The following YARS1 variants were observed in gnomAD, a reference collection of about 807,000 sequenced individuals.
YARS1 encodes the protein tyrosine--tRNA ligase, cytoplasmic.
A neutral mutation model predicts 62.2 loss-of-function variants in YARS1; 36 were observed. That is an observed-to-expected ratio of 0.58 (90% CI 0.44 to 0.76). The LOEUF (loss-of-function observed/expected upper bound fraction) is 0.76. YARS1 is among the 30% of genes least tolerant of loss of function. The probability of loss-of-function intolerance (pLI) is 0.00; values close to 1 mark genes in which losing one functional copy is unlikely to be tolerated. For missense variants in YARS1, 524 were observed against 639.8 expected (o/e 0.82, Z 1.95); for synonymous variants, 234 against 244.9 (o/e 0.96, Z 0.42).
chr1:32,782,205 G>A (rs1653082799), intron 9 of YARS1, 199 bp downstream of exon 9: 2 of 766,538 alleles, frequency 2.6e-6, no homozygotes, highest in Admixed American at 5.1e-5. Context: ...CGGTACAAAA[G>A]GATGTGATCA....
chr1:32,812,310 G>A (rs193244577), intron 1 of YARS1, among the ~76,000 whole-genome samples: 1 of 152,276 alleles, frequency 6.6e-6, no homozygotes, highest in East Asian at 1.9e-4. Context: ...ACCCCACCTG[G>A]TGATCCTCTG....
intron 4 of YARS1, among the ~76,000 whole-genome samples, chr1:32,802,666 A>C (rs1431053513): frequency 6.6e-6 from 1 of 152,194 alleles, no homozygotes; most frequent in African/African-American, 2.4e-5. Context: ...TGCACTGTCA[A>C]TGAGCAGTAA....
intron 1 of YARS1, among the ~76,000 whole-genome samples, chr1:32,816,108 C>CAAAA (rs71571726): frequency 1.7e-4 from 9 of 54,068 alleles, no homozygotes; most frequent in African/African-American, 2.1e-4. Flanking sequence ...GACTCCGCCT[C>CAAAA]AAAAAAAAAA....
At chr1:32,816,743 A>G (rs1638748606) in intron 1 of YARS1, 1 of 175,458 alleles carries the variant, frequency 5.7e-6, no homozygotes, top group African/African-American at 2.4e-5. Context: ...TTTGGAGGTC[A>G]CTTCCTCAGG....
chr1:32,780,191 C>G lies in YARS1; in HGVS notation c.1228G>C (p.Val410Leu), dbSNP rs146393022. The G allele has an allele frequency of 6.2e-7, 1 of 1,614,154 alleles. No individual in the cohort carries two copies. The highest frequency in any genetic ancestry group is 1.1e-5 in the South Asian group (1 of 91,084). ...CTGTCCTGCAGTTCCTCCTTGGGCA[C>G]GAACTGTACCAGGCCGCTCACCACA... Reference protein sequence around the residue: ...RTVVSGLVQFVPKEELQDRLV... With the variant: ...RTVVSGLVQFLPKEELQDRLV... Residue 410 changes from valine to leucine, a missense_variant, in exon 11 of 13, where the codon GTG becomes CTG. Coordinates refer to ENST00000373477, the MANE Select transcript of YARS1 (RefSeq NM_003680.4).
rs769842802 is a variant in YARS1 at position 32,786,420 on chromosome 1, C to T, written c.848G>A (p.Trp283Ter). 6.2e-7 allele frequency: 1 copy of T among 1,614,024 alleles called. No individual in the cohort carries two copies. Among genetic ancestry groups the T allele is most frequent in the South Asian group, 1.1e-5 (1 of 91,044 alleles). Residue 283 changes from tryptophan (W) to a stop codon, truncating the protein, a stop_gained, in exon 8 of 13, where the codon TGG becomes TAG. Coordinates refer to ENST00000373477, the MANE Select transcript of YARS1 (RefSeq NM_003680.4). LOFTEE classifies it high-confidence loss of function. The stretch of plus-strand genomic sequence containing the variant: ...AGCTGTGTAGGTTTTGTTTCCACCC[C>T]ATTTCTCATCTCGTAGGATCACAAA... ...SEFVILRDEKWGGNKTYTAYV... is the reference protein window; with the variant it reads ...SEFVILRDEK
At chr1:32,805,574 G>T (rs1372990917) in intron 4 of YARS1, among the ~76,000 whole-genome samples, 1 of 152,152 alleles carries the variant, frequency 6.6e-6, no homozygotes, top group Non-Finnish European at 1.5e-5. Context: ...TCACAACCTG[G>T]CTATTTGGTG....
At position 32,786,286 on chromosome 1, in the gene YARS1, A is replaced by G. The variant is rs1653223549; in HGVS notation, c.906+76T>C. 4 of 1,436,296 alleles carry G rather than the reference A, an allele frequency of 2.8e-6. No homozygotes were observed. The South Asian group carries it at 3.5e-5, about 13-fold the overall frequency. The allele number at this position is 1,436,296 out of a possible 1,614,324, so 89.0% of individuals were successfully genotyped here. A position where few individuals can be genotyped will look rare whatever the true frequency, so the allele number is the denominator to read the frequency against. ...ACTTTTACACAGAACAAGTTGTTCT[A>G]AACAAGTTCTAACAGTCAGCAAAAA... On this transcript the variant is annotated intron_variant, in intron 8 of 12. Transcript: ENST00000373477.
In YARS1 at chr1:32,779,466, A is replaced by C; in HGVS notation, c.1392T>G (p.Gly464=). The change falls in exon 12 of 13, where the codon GGT becomes GGG. Residue 464 remains glycine, a synonymous_variant. Transcript: ENST00000373477. ...PLDPPAGSAP[G]EHVFVKGYEK... is the part of the protein sequence containing the mutation. Reference sequence around the variant, plus strand: ...CATAGCCCTTCACAAACACGTGCTCACCAGGAGCAGAGCCTGCCGGAGGGT... The same window carrying C: ...CATAGCCCTTCACAAACACGTGCTCCCCAGGAGCAGAGCCTGCCGGAGGGT... The C allele has an allele frequency of 6.2e-7, 1 of 1,614,124 alleles. No homozygotes were observed. Among genetic ancestry groups the C allele is most frequent in the Non-Finnish European group, 8.5e-7 (1 of 1,179,980 alleles).
intron 1 of YARS1, among the ~76,000 whole-genome samples, chr1:32,812,303 C>G (rs1337407266): frequency 6.6e-6 from 1 of 152,126 alleles, no homozygotes; most frequent in Non-Finnish European, 1.5e-5. Context: ...GTGAGCCACC[C>G]CACCTGGTGA....
chr1:32,804,446 G>GC (rs1162341253), intron 4 of YARS1, among the ~76,000 whole-genome samples: 1 of 151,684 alleles, frequency 6.6e-6, no homozygotes. Context: ...CGGGGCGGCT[G>GC]CCGGGCGGAG....
rs1400402447 is a variant in YARS1 at position 32,806,505 on chromosome 1, C to A, written c.487G>T (p.Gly163Cys). The change falls in exon 4 of 13, where the codon GGC becomes TGC. Residue 163 changes from glycine (G) to cysteine (C), a missense_variant. Gly to Cys is a radical substitution (Grantham distance 159, BLOSUM62 -3). Transcript: ENST00000373477. ...VKQVEHPLLS[G>C]LLYPGLQALD... The stretch of plus-strand genomic sequence containing the variant: ...ACCTGCAGTCCGGGGTATAAGAGGC[C>A]ACTCAGCAAAGGGTGCTCCACCTGC... 1.2e-6 allele frequency: 2 copies of A among 1,614,048 alleles called. No homozygotes were observed. The highest frequency in any genetic ancestry group is 2.7e-5 in the African/African-American group (2 of 74,924).
At chr1:32,777,137 C>G (rs1652891174) in intron 12 of YARS1, among the ~76,000 whole-genome samples, 1 of 151,408 alleles carries the variant, frequency 6.6e-6, no homozygotes, top group Non-Finnish European at 1.5e-5. Context: ...TCAAGCAATT[C>G]TCCTGCCTAA....
intron 1 of YARS1, among the ~76,000 whole-genome samples, chr1:32,815,926 G>A (rs1210057181): frequency 1.3e-5 from 2 of 152,014 alleles, no homozygotes; most frequent in Non-Finnish European, 2.9e-5. Context: ...TGGCTAACAC[G>A]GTGAAACCCC....
chr1:32,794,438 G>A (rs535311714), intron 5 of YARS1, among the ~76,000 whole-genome samples: 1 of 152,208 alleles, frequency 6.6e-6, no homozygotes, highest in South Asian at 2.1e-4. Context: ...TGCCCAGCCT[G>A]GAGTGCAATG....
rs2148620606 is a variant in YARS1 at position 32,816,954 on chromosome 1, C to T, written c.57+234G>A. On this transcript the variant is annotated intron_variant, in intron 1 of 12. Coordinates refer to ENST00000373477, the MANE Select transcript of YARS1 (RefSeq NM_003680.4). ...TGGGAGTCCTGGATTCAAAGTTTGG[C>T]TCCAACACAAGACAACTGGACGCAA... is the stretch of plus-strand genomic sequence containing the variant. The T allele has an allele frequency of 4.9e-6, 3 of 608,922 alleles. No homozygotes were observed. In the East Asian group the frequency reaches 8.3e-5, roughly 17 times the overall value. The allele number at this position is 608,922 out of a possible 1,614,324, so 37.7% of individuals were successfully genotyped here. A position where few individuals can be genotyped will look rare whatever the true frequency, so the allele number is the denominator to read the frequency against.
At chr1:32,788,710 C>T (rs1007365885) in intron 6 of YARS1, among the ~76,000 whole-genome samples, 1 of 151,896 alleles carries the variant, frequency 6.6e-6, no homozygotes, top group Non-Finnish European at 1.5e-5. Context: ...GGATTACAGG[C>T]GTGAGCCACC....
intron 7 of YARS1, 51 bp from the exon 8 acceptor site, chr1:32,786,498 T>C (rs574318100): frequency 2.0e-6 from 3 of 1,479,076 alleles, no homozygotes; most frequent in South Asian, 2.3e-5. Context: ...CATTCCTAGC[T>C]CACATGCATG....
intron 4 of YARS1, among the ~76,000 whole-genome samples, chr1:32,805,583 T>G (rs532107243): frequency 6.6e-6 from 1 of 152,354 alleles, no homozygotes; most frequent in South Asian, 2.1e-4. Flanking sequence ...GGCTATTTGG[T>G]GCAAGAGGCC....
Sources: allele counts gnomAD v4.1 joint callset (sites outside exome capture counted in the v4.1 genomes callset), GRCh38; gene constraint gnomAD v4.1.1; transcripts MANE v1.5; gene names NCBI Gene and HGNC (gene_info 2026-07-23, HGNC 2026-07-21).